The following TUBGCP3 variants were observed in gnomAD, a reference collection of about 807,000 sequenced individuals.
TUBGCP3 encodes the protein tubulin gamma complex component 3, also known as gamma-tubulin complex component 3.
Under a neutral mutation model 123.1 loss-of-function variants are expected in TUBGCP3, and 50 were observed. The ratio of observed to expected loss-of-function variants is 0.41; its 90% CI spans 0.32 to 0.51. The LOEUF is 0.51. Among genes scored for constraint, TUBGCP3 ranks in the 20% least tolerant of loss-of-function variants. TUBGCP3 has a pLI of 0.36. For synonymous variants in TUBGCP3, 405 were observed against 413.9 expected (o/e 0.98, Z 0.26); for missense variants, 882 against 1,127.0 (o/e 0.78, Z 3.11).
At chr13:112,507,245 T>G (rs541158503) in intron 17 of TUBGCP3, among the ~76,000 whole-genome samples, 37 of 152,344 alleles carry the variant, frequency 2.4e-4, no homozygotes, top group African/African-American at 8.7e-4. Context: ...TGACATCCGA[T>G]GTCTCCATCG....
At chr13:112,525,335 C>T (rs2139082350) in intron 13 of TUBGCP3, among the ~76,000 whole-genome samples, 1 of 152,290 alleles carries the variant, frequency 6.6e-6, no homozygotes, top group East Asian at 1.9e-4. Context: ...TCCTGTTGAG[C>T]CTTGCCTGAA....
intron 11 of TUBGCP3, among the ~76,000 whole-genome samples, chr13:112,527,933 T>C (rs570634584): frequency 6.6e-6 from 1 of 152,358 alleles, no homozygotes; most frequent in East Asian, 1.9e-4. Context: ...CGGCGTCCTC[T>C]GTTCACAGAC....
chr13:112,593,239 T>C, the TUBGCP3 span, among the ~76,000 whole-genome samples: 1 of 152,004 alleles, frequency 6.6e-6, no homozygotes, highest in Non-Finnish European at 1.5e-5. Context: ...GCCAACATGG[T>C]AAAACCCCAT....
chr13:112,488,619 C>G (rs896948017), intron 21 of TUBGCP3, among the ~76,000 whole-genome samples: 4 of 149,952 alleles, frequency 2.7e-5, no homozygotes, highest in Admixed American at 2.0e-4. Flanking sequence ...GGTCCCCACA[C>G]CCACCACAGG....
Position 112,572,153 on chromosome 13 carries a change from C to T in TUBGCP3, c.77-2894G>A, listed in dbSNP as rs578138749. 2.0e-5 allele frequency among the ~76,000 whole-genome samples: 3 copies of T among 152,334 alleles called. No individual in the cohort carries two copies. The South Asian group carries it at 6.2e-4, about 32-fold the overall frequency. On this transcript the variant is annotated intron_variant, in intron 1 of 21. Transcript: ENST00000261965. ...CTGGCATAAGAGGCCTAGCTTCTCG[C>T]GTATCTCAGCTTTTGGCATGCCTTC...
intron 17 of TUBGCP3, among the ~76,000 whole-genome samples, chr13:112,514,167 A>C (rs1432542673): frequency 1.5e-4 from 23 of 152,098 alleles, no homozygotes; most frequent in Non-Finnish European, 4.4e-5. Flanking sequence ...TTTTGCCATT[A>C]GTTATTGCTG....
rs1362119351 is a variant in TUBGCP3, at chr13:112,485,635, T to C, written c.*358A>G. ...TTACCATCTTAACTAATGAATATCC[T>C]ATCACCCTAATTTTTTCTAAAAGAA... On this transcript the variant is annotated 3_prime_UTR_variant, in exon 22 of 22. Transcript: ENST00000261965. The C allele has an allele frequency of 4.9e-6, 1 of 206,058 alleles. No individual in the cohort carries two copies. The highest frequency in any genetic ancestry group is 2.3e-5 in the African/African-American group (1 of 43,696). The allele number at this position is 206,058 out of a possible 1,614,324, so 12.8% of individuals were successfully genotyped here.
In TUBGCP3 at chr13:112,486,140, C is replaced by T. The variant is rs1035020156; in HGVS notation, c.2577G>A (p.Gln859=). ...TGGTCGTCAGTAACACCAAAAACTGCTGCACGATACCCTAAAAAGAAGCAA... is the reference window on the plus strand; with the variant it reads ...TGGTCGTCAGTAACACCAAAAACTGTTGCACGATACCCTAAAAAGAAGCAA... ...ILTHFYQGIV[Q]QFLVLLTTSS... is the part of the protein sequence containing the mutation. The change falls in exon 22 of 22, where the codon CAG becomes CAA. Residue 859 remains glutamine, a synonymous_variant. Coordinates refer to ENST00000261965, the MANE Select transcript of TUBGCP3 (RefSeq NM_006322.6). The T allele has an allele frequency of 2.5e-6, 4 of 1,607,526 alleles. No homozygotes were observed. Among genetic ancestry groups the T allele is most frequent in the Non-Finnish European group, 3.4e-6 (4 of 1,177,440 alleles).
rs545093967 is a variant in TUBGCP3 at position 112,511,958 on chromosome 13, G to T, written c.2086+4482C>A. On this transcript the variant is annotated intron_variant, in intron 17 of 21. Coordinates refer to ENST00000261965, the MANE Select transcript of TUBGCP3 (RefSeq NM_006322.6). This position sits in a 1 kb window ranked among gnomAD's most constrained non-coding sequence, Gnocchi z 4.1. ...CAAGGAAGCACTTACTCAGACACTC[G>T]TTCTCTCGAAAGCACATTTCATTCA... Among the ~76,000 whole-genome samples, 1 of 152,102 alleles carries T rather than the reference G, an allele frequency of 6.6e-6. No individual in the cohort carries two copies. Among genetic ancestry groups the T allele is most frequent in the African/African-American group, 2.4e-5 (1 of 41,396 alleles).
At chr13:112,536,204 T>C (rs1303310559) in intron 11 of TUBGCP3, among the ~76,000 whole-genome samples, 5 of 152,284 alleles carry the variant, frequency 3.3e-5, no homozygotes. Flanking sequence ...TTTGTTCTTT[T>C]ACAAGATTGT....
At chr13:112,560,448 G>C (rs1357218975) in intron 3 of TUBGCP3, among the ~76,000 whole-genome samples, 1 of 151,940 alleles carries the variant, frequency 6.6e-6, no homozygotes, top group East Asian at 1.9e-4. Context: ...AAAAAAAGTG[G>C]GTCTGAAGCA....
At chr13:112,563,055 G>A (rs1880646243) in intron 3 of TUBGCP3, among the ~76,000 whole-genome samples, 1 of 152,094 alleles carries the variant, frequency 6.6e-6, no homozygotes, top group South Asian at 2.1e-4. Flanking sequence ...CCCCTCATAA[G>A]CCACCCTCCC....
intron 12 of TUBGCP3, 85 bp from the exon 13 acceptor site, chr13:112,527,135 G>T: frequency 8.3e-7 from 1 of 1,211,672 alleles, no homozygotes; most frequent in Non-Finnish European, 1.2e-6. Flanking sequence ...GCTACAAATT[G>T]GCTATTGATT....
chr13:112,534,275 G>A (rs974202499), intron 11 of TUBGCP3, among the ~76,000 whole-genome samples: 2 of 152,160 alleles, frequency 1.3e-5, no homozygotes, highest in African/African-American at 2.4e-5. Context: ...GGCCGGGCGC[G>A]GCGGCTCACG....
chr13:112,545,830 C>T lies in TUBGCP3; in HGVS notation c.1204G>A (p.Ala402Thr), dbSNP rs773635187. The T allele has an allele frequency of 3.1e-6, 5 of 1,613,910 alleles. No individual in the cohort carries two copies. The highest frequency in any genetic ancestry group is 3.3e-5 in the Admixed American group (2 of 59,996). The part of the protein sequence containing the change: ...KGGELASAVH[A>T]YTKTGDPYMR... ...TACGGGTCTCCTGTTTTTGTGTAGG[C>T]GTGGACAGCTGAGGCCAGCTCACCT... The change falls in exon 11 of 22, where the codon GCC becomes ACC. Residue 402 changes from alanine (A) to threonine (T), a missense_variant. Ala to Thr is a moderately conservative substitution (Grantham distance 58). This residue lies in a region of TUBGCP3 where 713 missense variants were observed against 874.0 expected (regional missense o/e 0.82). Transcript: ENST00000261965. The surrounding 1 kb of genome is among the most constrained non-coding windows in gnomAD (Gnocchi z 4.1).
rs1402596168 is a variant in TUBGCP3, at chr13:112,485,030, A to G, written c.*963T>C. 3.3e-5 allele frequency: 5 copies of G among 152,460 alleles called. No homozygotes were observed. The highest frequency in any genetic ancestry group is 1.2e-4 in the African/African-American group (5 of 41,454). 9.4% of individuals were successfully genotyped at this position (152,460 alleles called of 1,614,324 possible). A position where few individuals can be genotyped will look rare whatever the true frequency, so the allele number is the denominator to read the frequency against. The stretch of plus-strand genomic sequence containing the variant: ...TGCATCTGAAAGATAATTGCTTTTA[A>G]TTTTCTAAATTTTCACTTATGCAAC... On this transcript the variant is annotated 3_prime_UTR_variant, in exon 22 of 22. Coordinates refer to ENST00000261965, the MANE Select transcript of TUBGCP3 (RefSeq NM_006322.6).
chr13:112,533,484 C>CTTGGGAGGAAAAATAATCTCATCTT (rs1877761886), intron 11 of TUBGCP3, among the ~76,000 whole-genome samples: 1 of 152,094 alleles, frequency 6.6e-6, no homozygotes, highest in African/African-American at 2.4e-5. Context: ...GGTCTGTGGA[C>CTTGGGAGGAAAAATAATCTCATCTT]TTGGGAGGAA....
intron 8 of TUBGCP3, among the ~76,000 whole-genome samples, chr13:112,550,556 C>T (rs929805672): frequency 6.6e-5 from 10 of 152,186 alleles, no homozygotes; most frequent in African/African-American, 2.2e-4. Flanking sequence ...CGTGTCAGCC[C>T]CTGACGGTAT....
At position 112,547,777 on chromosome 13, in the gene TUBGCP3, G is replaced by C. The variant is rs373721102; in HGVS notation, c.1036-25C>G. On this transcript the variant is annotated intron_variant, in intron 9 of 21. Transcript: ENST00000261965. ...GCTAAAAAACAATAAAGATAGAAAT[G>C]TTTAAGTACAAATAACCACATAGAT... 51 of 1,428,716 alleles carry C rather than the reference G, an allele frequency of 3.6e-5. No individual in the cohort carries two copies. In the African/African-American group the frequency reaches 6.3e-4, roughly 18 times the overall value. 88.5% of individuals were successfully genotyped at this position (1,428,716 alleles called of 1,614,324 possible).
Sources: allele counts gnomAD v4.1 joint callset (sites outside exome capture counted in the v4.1 genomes callset), GRCh38; gene constraint gnomAD v4.1.1; regional missense constraint gnomAD v4.1.1; non-coding constraint Gnocchi (gnomAD v3.1); transcripts MANE v1.5; gene names NCBI Gene and HGNC (gene_info 2026-07-23, HGNC 2026-07-21).